The following FMN2 variants were observed in gnomAD, a reference collection of about 807,000 sequenced individuals.
FMN2 encodes formin-2.
Under a neutral mutation model 142.3 loss-of-function variants are expected in FMN2, and 51 were observed. The ratio of observed to expected loss-of-function variants is 0.36; its 90% CI spans 0.29 to 0.45. The LOEUF is 0.45. Ranked by LOEUF, FMN2 falls within the 20% of genes least tolerant of loss-of-function variation. The pLI is 1.00. For missense variants in FMN2, 1,936 were observed against 2,122.8 expected (o/e 0.91, Z 1.73); for synonymous variants, 882 against 869.8 (o/e 1.01, Z -0.25).
intron 2 of FMN2, among the ~76,000 whole-genome samples, chr1:240,159,881 GGA>G (rs201379406): frequency 2.4e-5 from 3 of 125,910 alleles, no homozygotes; most frequent in East Asian, 2.3e-4. Context: ...TTGCATACAT[GGA>G]GAGATATATA....
chr1:240,128,422 C>T (rs1028192717), intron 2 of FMN2, among the ~76,000 whole-genome samples: 1 of 152,166 alleles, frequency 6.6e-6, no homozygotes, highest in Non-Finnish European at 1.5e-5. Context: ...AGCAAGTTTA[C>T]TTGACCCAAC....
intron 4 of FMN2, among the ~76,000 whole-genome samples, chr1:240,202,399 A>G (rs1213821801): frequency 6.6e-6 from 1 of 152,178 alleles, no homozygotes; most frequent in Admixed American, 6.5e-5. Flanking sequence ...ATGTGGAACT[A>G]GCTGGCCTGT....
chr1:240,152,092 T>C (rs10926146), intron 2 of FMN2, among the ~76,000 whole-genome samples: 11,825 of 152,134 alleles, frequency 0.078, 538 homozygotes, highest in African/African-American at 0.12. Flanking sequence ...TTTTAATGCA[T>C]GTCACTGTTC....
At chr1:240,200,146 C>T (rs979342618) in intron 4 of FMN2, among the ~76,000 whole-genome samples, 3 of 152,156 alleles carry the variant, frequency 2.0e-5, no homozygotes, top group East Asian at 1.9e-4. Context: ...GGGCTTTCCA[C>T]GGACAACAGA....
chr1:240,142,581 G>A (rs529379906), intron 2 of FMN2: 16 of 1,344,412 alleles, frequency 1.2e-5, no homozygotes, highest in African/African-American at 4.4e-5. Context: ...CAATTCCCCC[G>A]GAAGTCTGCA....
intron 16 of FMN2, among the ~76,000 whole-genome samples, chr1:240,449,939 T>C (rs184230323): frequency 1.3e-5 from 2 of 152,288 alleles, no homozygotes; most frequent in Admixed American, 1.3e-4. Context: ...TCTGTTATCT[T>C]AGCAGGTTTT....
chr1:240,346,194 C>G (rs1671902671), intron 13 of FMN2, among the ~76,000 whole-genome samples: 1 of 152,022 alleles, frequency 6.6e-6, no homozygotes, highest in Admixed American at 6.6e-5. Context: ...TAGTACCAAA[C>G]TCTATATGTA....
chr1:240,302,857 T>G (rs1670249156), intron 8 of FMN2, among the ~76,000 whole-genome samples: 1 of 152,122 alleles, frequency 6.6e-6, no homozygotes, highest in Non-Finnish European at 1.5e-5. Context: ...AGTTTCAAGC[T>G]ACTAAAGTTT....
chr1:240,337,748 T>C (rs1246583330), intron 13 of FMN2, among the ~76,000 whole-genome samples: 1 of 152,216 alleles, frequency 6.6e-6, no homozygotes, highest in Non-Finnish European at 1.5e-5. Context: ...TTGATTTTTA[T>C]TTCTAAGGAA....
chr1:240,155,696 AG>A (rs1441132869), intron 2 of FMN2, among the ~76,000 whole-genome samples: 3 of 152,276 alleles, frequency 2.0e-5, no homozygotes, highest in Non-Finnish European at 4.4e-5. Context: ...TAGATTTAGA[AG>A]GTGTGAGGTT....
intron 1 of FMN2, among the ~76,000 whole-genome samples, chr1:240,119,198 G>A (rs1022743640): frequency 1.3e-5 from 2 of 151,956 alleles, no homozygotes; most frequent in African/African-American, 2.4e-5. Flanking sequence ...GTGTGGTGGC[G>A]CATGCCTGTA....
Position 240,136,610 on chromosome 1 carries a change from T to G in FMN2, c.1782+13265T>G, listed in dbSNP as rs190265713. Among the ~76,000 whole-genome samples the G allele has an allele frequency of 2.9e-3, 449 of 152,296 alleles. 3 individuals are homozygous for G. Among genetic ancestry groups the G allele is most frequent in the African/African-American group, 0.01 (433 of 41,558 alleles). ...GGTGACTCAGAATTCATTTTGAATT[T>G]GTATGATGGACTTTTATTAAAAGGG... On this transcript the variant is annotated intron_variant, in intron 2 of 17. Transcript: ENST00000319653.
At chr1:240,231,912 T>G (rs893944911) in intron 6 of FMN2, among the ~76,000 whole-genome samples, 7 of 152,336 alleles carry the variant, frequency 4.6e-5, no homozygotes, top group South Asian at 4.1e-4. Flanking sequence ...TAGGCACTTC[T>G]TGAATTCATT....
At chr1:240,421,617 T>G (rs777408421) in intron 15 of FMN2, among the ~76,000 whole-genome samples, 38 of 152,120 alleles carry the variant, frequency 2.5e-4, no homozygotes, top group Non-Finnish European at 5.1e-4. Flanking sequence ...ATTTGTTTTG[T>G]GGGGGGTGTG....
At chr1:240,247,456 C>G (rs1228685812) in intron 6 of FMN2, among the ~76,000 whole-genome samples, 1 of 150,262 alleles carries the variant, frequency 6.7e-6, no homozygotes, top group African/African-American at 2.5e-5. Flanking sequence ...GAGCTGAGAT[C>G]GTGCCATTGC....
chr1:240,136,881 A>T (rs1007324287), intron 2 of FMN2, among the ~76,000 whole-genome samples: 2 of 151,678 alleles, frequency 1.3e-5, no homozygotes, highest in African/African-American at 4.8e-5. Flanking sequence ...GATCAGCCTG[A>T]CCCACATGGT....
In FMN2 at chr1:240,098,097, A is replaced by ATTTTTTTTTTTTTTTTTTTTTTT. The variant is rs35191164; in HGVS notation, c.1615+4394_1615+4395insTTTTTTTTTTTTTTTTTTTTTTT. Among the ~76,000 whole-genome samples, 100 of 98,654 alleles carry ATTTTTTTTTTTTTTTTTTTTTTT rather than the reference A, an allele frequency of 1.0e-3. 9 individuals carry two copies. Among genetic ancestry groups the ATTTTTTTTTTTTTTTTTTTTTTT allele is most frequent in the African/African-American group, 2.1e-3 (46 of 21,852 alleles). 64.7% of individuals were successfully genotyped at this position (98,654 alleles called of 152,430 possible). ...TTGGCCTTTCTAAAGGTTATCTTGA[A>ATTTTTTTTTTTTTTTTTTTTTTT]TTTTTTTTTTTTTTTTTTTTTGGAG... is the stretch of plus-strand genomic sequence containing the variant. On this transcript the variant is annotated intron_variant, in intron 1 of 17. Transcript: ENST00000319653.
At chr1:240,180,267 A>T in intron 3 of FMN2, 2 of 837,578 alleles carry the variant, frequency 2.4e-6, no homozygotes, top group Non-Finnish European at 3.4e-6. Flanking sequence ...CATCAGAGTG[A>T]TCTAATGGGT....
chr1:240,356,990 A>G (rs1672293526), intron 14 of FMN2, among the ~76,000 whole-genome samples: 1 of 152,204 alleles, frequency 6.6e-6, no homozygotes, highest in South Asian at 2.1e-4. Context: ...TGGAAAATCT[A>G]CTCATTGATT....
Sources: allele counts gnomAD v4.1 joint callset (sites outside exome capture counted in the v4.1 genomes callset), GRCh38; gene constraint gnomAD v4.1.1; transcripts MANE v1.5; gene names NCBI Gene and HGNC (gene_info 2026-07-23, HGNC 2026-07-21).